The following PLEKHA5 variants were observed in gnomAD, a reference collection of about 807,000 sequenced individuals.
The protein encoded by PLEKHA5 is pleckstrin homology domain containing A5, also known as pleckstrin homology domain-containing family A member 5.
In PLEKHA5, 55 loss-of-function variants were observed where a neutral mutation model predicts 181.9. The ratio of observed to expected loss-of-function variants is 0.30; its 90% CI spans 0.24 to 0.38. PLEKHA5 has a LOEUF of 0.38. Among genes scored for constraint, PLEKHA5 ranks in the 10% least tolerant of loss-of-function variants. The probability of loss-of-function intolerance (pLI) is 1.00; values close to 1 mark genes in which losing one functional copy is unlikely to be tolerated. For missense variants in PLEKHA5, 1,432 were observed against 1,549.5 expected (o/e 0.92, Z 1.27); for synonymous variants, 535 against 529.4 (o/e 1.01, Z -0.15).
At chr12:19,269,683 C>T in intron 8 of PLEKHA5, 87 bp from the exon 9 acceptor site, 1 of 613,688 alleles carries the variant, frequency 1.6e-6, no homozygotes, top group Non-Finnish European at 2.9e-6. Flanking sequence ...TAGCAACGTT[C>T]TATGTCAGGA....
chr12:19,154,418 A>G (rs1442562856), intron 3 of PLEKHA5: 1 of 152,066 alleles, frequency 6.6e-6, no homozygotes, highest in Non-Finnish European at 1.5e-5. Flanking sequence ...TAAAAGGTAT[A>G]TAGTTTTAAA....
At chr12:19,176,204 CCTTCCTCCCTCCCTCTGT>C (rs1322396569) in intron 3 of PLEKHA5, 4 of 150,390 alleles carry the variant, frequency 2.7e-5, no homozygotes, top group Admixed American at 1.3e-4. Flanking sequence ...CCCCCCCCCA[CCTTCCTCCCTCCCTCTGT>C]CTTCCTCCCT....
chr12:19,276,972 C>G (rs2152750762), intron 11 of PLEKHA5, among the ~76,000 whole-genome samples: 1 of 152,144 alleles, frequency 6.6e-6, no homozygotes, highest in Non-Finnish European at 1.5e-5. Flanking sequence ...AACAATTAGG[C>G]ATTATTTTTC....
At chr12:19,288,864 T>C (rs1249617038) in intron 13 of PLEKHA5, among the ~76,000 whole-genome samples, 1 of 152,226 alleles carries the variant, frequency 6.6e-6, no homozygotes, top group Non-Finnish European at 1.5e-5. Context: ...CACCACCTAC[T>C]TTCTTTGGTC....
At chr12:19,294,000 G>A (rs1011751710) in intron 15 of PLEKHA5, among the ~76,000 whole-genome samples, 1 of 152,256 alleles carries the variant, frequency 6.6e-6, no homozygotes, top group Non-Finnish European at 1.5e-5. Context: ...AGCTTTTCCA[G>A]TAATTTATCT....
At chr12:19,361,802 A>G in intron 29 of PLEKHA5, 96 bp downstream of exon 29, 5 of 1,018,424 alleles carry the variant, frequency 4.9e-6, no homozygotes, top group Non-Finnish European at 7.5e-6. Context: ...TTTCAGCCCC[A>G]GCTTAGCTAC....
At chr12:19,187,894 T>C (rs1009214546) in intron 3 of PLEKHA5, among the ~76,000 whole-genome samples, 2 of 152,232 alleles carry the variant, frequency 1.3e-5, no homozygotes, top group Admixed American at 6.5e-5. Context: ...CTTTCCCAGT[T>C]GGGTGAGAAA....
At chr12:19,356,179 A>G (rs923504084) in intron 26 of PLEKHA5, among the ~76,000 whole-genome samples, 4 of 151,388 alleles carry the variant, frequency 2.6e-5, no homozygotes, top group African/African-American at 9.7e-5. Context: ...AAAAACAAAA[A>G]AAAACAACAC....
At chr12:19,215,983 G>A (rs938057324) in intron 3 of PLEKHA5, among the ~76,000 whole-genome samples, 1 of 152,098 alleles carries the variant, frequency 6.6e-6, no homozygotes, top group African/African-American at 2.4e-5. Context: ...ATATAGATAA[G>A]TTTAGAAGTA....
chr12:19,129,957 G>C (rs1449731163), intron 1 of PLEKHA5, 69 bp downstream of exon 1: 2 of 1,481,348 alleles, frequency 1.4e-6, no homozygotes. Flanking sequence ...CTGGCGACAC[G>C]GGGGAGAGCC....
rs1056132030 is a variant in PLEKHA5 at position 19,135,212 on chromosome 12, G to A, written c.227+2762G>A. On this transcript the variant is annotated intron_variant, in intron 3 of 31. Coordinates refer to ENST00000429027, the MANE Select transcript of PLEKHA5 (RefSeq NM_001256470.2). ...CAAATGTTGGTTGGTGTTAAAAATGGCAGGTTACCAGAAAGAATTTATCTC... is the reference window on the plus strand; with the variant it reads ...CAAATGTTGGTTGGTGTTAAAAATGACAGGTTACCAGAAAGAATTTATCTC... Among the ~76,000 whole-genome samples the A allele has an allele frequency of 9.2e-5, 14 of 152,048 alleles. 1 individual carries two copies. The highest frequency in any genetic ancestry group is 8.3e-4 in the South Asian group (4 of 4,824).
At chr12:19,194,501 G>T (rs2052144320) in intron 3 of PLEKHA5, among the ~76,000 whole-genome samples, 1 of 152,128 alleles carries the variant, frequency 6.6e-6, no homozygotes, top group African/African-American at 2.4e-5. Context: ...TCTATTTCTG[G>T]TTTATTGAGA....
chr12:19,201,001 CTT>C (rs1258942281), intron 3 of PLEKHA5: 2 of 152,018 alleles, frequency 1.3e-5, no homozygotes, highest in East Asian at 1.9e-4. Context: ...ATAAATTAGA[CTT>C]CATCAAAATT....
chr12:19,301,632 G>C (rs1348687328), intron 15 of PLEKHA5, among the ~76,000 whole-genome samples: 2 of 152,148 alleles, frequency 1.3e-5, no homozygotes, highest in Admixed American at 1.3e-4. Context: ...TTGAAGAAAA[G>C]GGGAAATATT....
At chr12:19,316,429 A>AG (rs139190209) in intron 16 of PLEKHA5, among the ~76,000 whole-genome samples, 374 of 151,212 alleles carry the variant, frequency 2.5e-3, no homozygotes, top group African/African-American at 8.5e-3. Flanking sequence ...GGAAGGGCTG[A>AG]GGGGGGGGAA....
intron 3 of PLEKHA5, among the ~76,000 whole-genome samples, chr12:19,190,948 A>G (rs2050966623): frequency 6.6e-6 from 1 of 152,230 alleles, no homozygotes. Flanking sequence ...AAGGAACATG[A>G]GCTGGCAGCT....
intron 16 of PLEKHA5, 55 bp downstream of exon 16, chr12:19,314,949 G>A: frequency 1.1e-6 from 1 of 878,100 alleles, no homozygotes; most frequent in Non-Finnish European, 1.9e-6. Context: ...ATCCCTCAGT[G>A]ACAGTTTTGA....
At chr12:19,215,380 T>TAC (rs2057767905) in intron 3 of PLEKHA5, among the ~76,000 whole-genome samples, 1 of 152,140 alleles carries the variant, frequency 6.6e-6, no homozygotes, top group Non-Finnish European at 1.5e-5. Context: ...GAGTAACTAT[T>TAC]TATTGAGTGT....
At chr12:19,326,721 CT>C (rs1157072572) in intron 20 of PLEKHA5, among the ~76,000 whole-genome samples, 1 of 152,196 alleles carries the variant, frequency 6.6e-6, no homozygotes, top group African/African-American at 2.4e-5. Flanking sequence ...ATCTTCCATT[CT>C]TTCCCCACCC....
Sources: gnomAD v4.1 joint callset for allele counts (sites outside exome capture counted in the v4.1 genomes callset) on GRCh38, gnomAD v4.1.1 for gene constraint, MANE v1.5 for transcripts, NCBI Gene and HGNC (gene_info 2026-07-23, HGNC 2026-07-21) for gene names.